The following DYNC2I2 variants were observed in gnomAD, a reference collection of about 807,000 sequenced individuals.
DYNC2I2 encodes cytoplasmic dynein 2 intermediate chain 2.
Under a neutral mutation model 52.0 loss-of-function variants are expected in DYNC2I2, and 39 were observed. That is an observed-to-expected ratio of 0.75 (90% CI 0.58 to 0.98). DYNC2I2 has a LOEUF of 0.98. Among genes scored for constraint, DYNC2I2 ranks in the 50% least tolerant of loss-of-function variants. DYNC2I2 has a pLI of 0.00. For synonymous variants in DYNC2I2, 359 were observed against 321.1 expected (o/e 1.12, Z -1.26); for missense variants, 743 against 728.4 (o/e 1.02, Z -0.23).
At chr9:128,641,970 T>TATAC (rs961186779) in intron 1 of DYNC2I2, among the ~76,000 whole-genome samples, 1 of 142,312 alleles carries the variant, frequency 7.0e-6, no homozygotes, top group Non-Finnish European at 1.5e-5. Context: ...TGTTCATTTA[T>TATAC]ATACATACAC....
Position 128,634,750 on chromosome 9 carries a change from G to A in DYNC2I2, c.1153C>T (p.Gln385Ter). The A allele has an allele frequency of 6.2e-7, 1 of 1,603,250 alleles. No individual in the cohort carries two copies. Among genetic ancestry groups the A allele is most frequent in the Non-Finnish European group, 8.5e-7 (1 of 1,175,400 alleles). ...PSSVPLRAPA[Q>*]FTFSPHGGPI... ...CCGCCGTGGGGGGAGAAGGTAAACT[G>A]TGCTGGGGCCCGCAGGGGCACGGAG... Residue 385 changes from glutamine to a stop codon, truncating the protein, a stop_gained, in exon 7 of 9, where the codon CAG becomes TAG. Transcript: ENST00000372715. LOFTEE classifies it high-confidence loss of function.
chr9:128,635,091 CCTT>C lies in DYNC2I2; in HGVS notation c.979_981del (p.Lys327del). The C allele has an allele frequency of 1.2e-6, 2 of 1,609,184 alleles. No homozygotes were observed. The highest frequency in any genetic ancestry group is 1.7e-6 in the Non-Finnish European group (2 of 1,177,232). ...AGGGCAGTTTCCGGGTGCCCACGTA[CCTT>C]CTTGAGCTTGGTGCTCCGTGGCAGC... On this transcript the variant is annotated inframe_deletion and splice_region_variant, in exon 6 of 9. Coordinates refer to ENST00000372715, the MANE Select transcript of DYNC2I2 (RefSeq NM_052844.4).
chr9:128,675,538 A>G, the DYNC2I2 span, among the ~76,000 whole-genome samples: 10 of 152,142 alleles, frequency 6.6e-5, no homozygotes, highest in Admixed American at 4.6e-4. Context: ...GCATAATACT[A>G]TCCTATAAAG....
intron 1 of DYNC2I2, among the ~76,000 whole-genome samples, chr9:128,641,350 G>C (rs557267045): frequency 6.6e-5 from 10 of 152,180 alleles, no homozygotes; most frequent in Admixed American, 4.6e-4. Flanking sequence ...GAACACCCCA[G>C]CTTCACACCA....
chr9:128,661,241 C>T (rs913472360), upstream of DYNC2I2, among the ~76,000 whole-genome samples: 4 of 147,630 alleles, frequency 2.7e-5, no homozygotes. Context: ...ACTCCGGAGA[C>T]CGAGGCAGGA....
At chr9:128,673,824 T>C in the DYNC2I2 span, among the ~76,000 whole-genome samples, 1 of 149,958 alleles carries the variant, frequency 6.7e-6, no homozygotes, top group Admixed American at 6.7e-5. Flanking sequence ...TTTTTTTTTT[T>C]TGAGATGAAG....
At chr9:128,656,469 A>G (rs1860826468) in intron 1 of DYNC2I2, 72 bp downstream of exon 1, 1 of 1,162,716 alleles carries the variant, frequency 8.6e-7, no homozygotes, top group African/African-American at 2.0e-5. Context: ...GGGACGCCCG[A>G]ACCCGCCCGG....
In DYNC2I2 at chr9:128,634,275, C is replaced by A; in HGVS notation, c.1323G>T (p.Val441=). Residue 441 remains valine, a synonymous_variant, in exon 8 of 9, where the codon GTG becomes GTT. Transcript: ENST00000372715. The stretch of plus-strand genomic sequence containing the variant: ...CCAAGGGCCGCACTGGGGACCAGCG[C>A]ACAGCAAACAGATACTTGAGGGAGA... ...LQLSLKYLFA[V]RWSPVRPLVF... The A allele has an allele frequency of 6.2e-7, 1 of 1,613,882 alleles. No homozygotes were observed. Among genetic ancestry groups the A allele is most frequent in the Non-Finnish European group, 8.5e-7 (1 of 1,180,026 alleles).
Position 128,634,824 on chromosome 9 carries a change from A to G in DYNC2I2, c.1079T>C (p.Leu360Pro). The change falls in exon 7 of 9, where the codon CTC becomes CCC. Residue 360 changes from leucine (L) to proline (P), a missense_variant. Coordinates refer to ENST00000372715, the MANE Select transcript of DYNC2I2 (RefSeq NM_052844.4). ...CTCTCCAGCTGCCAGGGAACACTTG[A>G]GCGGGAAGCCGCCTTCCGTGCCCAG... ...FILGTEGGFP[L>P]KCSLAAGEAA... 6.2e-7 allele frequency: 1 copy of G among 1,613,326 alleles called. No individual in the cohort carries two copies.
upstream of DYNC2I2, among the ~76,000 whole-genome samples, chr9:128,657,146 C>G (rs935797662): frequency 1.1e-4 from 16 of 152,314 alleles, no homozygotes; most frequent in African/African-American, 3.8e-4. Flanking sequence ...AGAACCGCGC[C>G]ACTCGAACAG....
chr9:128,683,698 T>C, the DYNC2I2 span: 2 of 470,756 alleles, frequency 4.2e-6, no homozygotes, highest in Non-Finnish European at 7.5e-6. Flanking sequence ...AAGAAATTTC[T>C]CCTGATTGGA....
chr9:128,669,313 C>A, the DYNC2I2 span, among the ~76,000 whole-genome samples: 1 of 151,716 alleles, frequency 6.6e-6, no homozygotes, highest in African/African-American at 2.4e-5. Context: ...TGCAGTGAGC[C>A]GAGATTGCGC....
At chr9:128,668,189 G>A in the DYNC2I2 span, among the ~76,000 whole-genome samples, 3 of 151,790 alleles carry the variant, frequency 2.0e-5, no homozygotes, top group African/African-American at 7.3e-5. Context: ...TTGATCTCCT[G>A]ACCTTGTGAT....
In DYNC2I2 at chr9:128,640,854, G is replaced by T; in HGVS notation, c.272C>A (p.Ala91Asp). The change falls in exon 2 of 9, where the codon GCC becomes GAC. Residue 91 changes from alanine to aspartate, a missense_variant. Physicochemically the swap from Ala to Asp is moderately radical, Grantham distance 126. Coordinates refer to ENST00000372715, the MANE Select transcript of DYNC2I2 (RefSeq NM_052844.4). ...GGGCTGCACGCTGACAGGCACGGGG[G>T]CCTCCGTCTGCACCTGGGCGTCCAC... ...NHVDAQVQTE[A>D]PVPVSVQPPS... is the part of the protein sequence containing the mutation. 6.2e-7 allele frequency: 1 copy of T among 1,613,980 alleles called. No homozygotes were observed.
In DYNC2I2 at chr9:128,635,647, C is replaced by T. The variant is rs1860393014; in HGVS notation, c.813+11G>A. ...TCAGGGCCCACCCCGCCCGGCAGCC[C>T]CTGCCCTGACCTGGGACACAGGGTC... On this transcript the variant is annotated intron_variant, in intron 5 of 8. Coordinates refer to ENST00000372715, the MANE Select transcript of DYNC2I2 (RefSeq NM_052844.4). The T allele has an allele frequency of 1.9e-6, 3 of 1,595,522 alleles. No individual in the cohort carries two copies. Among genetic ancestry groups the T allele is most frequent in the African/African-American group, 2.7e-5 (2 of 74,552 alleles).
chr9:128,678,933 G>A, the DYNC2I2 span, among the ~76,000 whole-genome samples: 1 of 152,110 alleles, frequency 6.6e-6, no homozygotes, highest in Non-Finnish European at 1.5e-5. Flanking sequence ...GCCGGGCGTG[G>A]TGGTGGGCGC....
At chr9:128,675,334 T>C in the DYNC2I2 span, among the ~76,000 whole-genome samples, 4 of 151,992 alleles carry the variant, frequency 2.6e-5, no homozygotes, top group East Asian at 7.7e-4. Context: ...TGCACCACCA[T>C]GCCCAGCCAA....
chr9:128,670,573 T>C, the DYNC2I2 span, among the ~76,000 whole-genome samples: 1 of 150,874 alleles, frequency 6.6e-6, no homozygotes, highest in Non-Finnish European at 1.5e-5. Flanking sequence ...CCATCTCTAC[T>C]AAAAATACAA....
chr9:128,664,004 C>A, the DYNC2I2 span, among the ~76,000 whole-genome samples: 1 of 138,008 alleles, frequency 7.2e-6, no homozygotes, highest in Non-Finnish European at 1.5e-5. Context: ...CTTGCCCAGG[C>A]TGGAGTGCAA....
Sources: gnomAD v4.1 joint callset for allele counts (sites outside exome capture counted in the v4.1 genomes callset) on GRCh38, gnomAD v4.1.1 for gene constraint, MANE v1.5 for transcripts, NCBI Gene and HGNC (gene_info 2026-07-23, HGNC 2026-07-21) for gene names.